The following DAAM1 variants were observed in gnomAD, a reference collection of about 807,000 sequenced individuals.
DAAM1 encodes the protein dishevelled associated activator of morphogenesis 1, also known as disheveled-associated activator of morphogenesis 1.
DAAM1 carries 52 observed loss-of-function variants against 130.0 expected under a neutral mutation model. The ratio of observed to expected loss-of-function variants is 0.40; its 90% CI spans 0.32 to 0.50. The LOEUF (loss-of-function observed/expected upper bound fraction) is 0.50, where lower values mean the gene tolerates loss of function less well. DAAM1 is among the 20% of genes least tolerant of loss of function. The probability of loss-of-function intolerance (pLI) is 0.61; values close to 1 mark genes in which losing one functional copy is unlikely to be tolerated. For missense variants in DAAM1, 1,134 were observed against 1,303.8 expected (o/e 0.87, Z 2.01); for synonymous variants, 452 against 444.5 (o/e 1.02, Z -0.21).
At chr14:59,339,015 A>G (rs1184576835) in intron 15 of DAAM1, among the ~76,000 whole-genome samples, 2 of 152,154 alleles carry the variant, frequency 1.3e-5, no homozygotes, top group African/African-American at 4.8e-5. Flanking sequence ...CTGATCCAAG[A>G]TTTTGTAGTT....
At position 59,336,026 on chromosome 14, in the gene DAAM1, T is replaced by G. The variant is rs114468623; in HGVS notation, c.1969-4048T>G. Among the ~76,000 whole-genome samples the G allele has an allele frequency of 6.5e-3, 981 of 151,956 alleles. 15 individuals are homozygous for G. The highest frequency in any genetic ancestry group is 0.023 in the African/African-American group (949 of 41,488). On this transcript the variant is annotated intron_variant, in intron 15 of 24. Coordinates refer to ENST00000360909, the MANE Select transcript of DAAM1 (RefSeq NM_001270520.2). Reference sequence around the variant, plus strand: ...GAGAAATATAAATAGTGGTGTTGTTTTTTTTTTTTCTTAAGACCAAATGTA... The same window carrying G: ...GAGAAATATAAATAGTGGTGTTGTTGTTTTTTTTTCTTAAGACCAAATGTA...
chr14:59,341,469 T>C (rs1483420873), intron 16 of DAAM1, among the ~76,000 whole-genome samples: 1 of 152,214 alleles, frequency 6.6e-6, no homozygotes, highest in African/African-American at 2.4e-5. Context: ...ACAAGATATT[T>C]GGAGGTAAAC....
At chr14:59,358,859 A>G (rs1273930244) in intron 20 of DAAM1, among the ~76,000 whole-genome samples, 3 of 151,430 alleles carry the variant, frequency 2.0e-5, no homozygotes, top group East Asian at 1.9e-4. Context: ...AAAAGTATCA[A>G]TAATTGTCAT....
chr14:59,242,595 A>G (rs144053467), intron 1 of DAAM1, among the ~76,000 whole-genome samples: 10,500 of 152,158 alleles, frequency 0.069, 444 homozygotes, highest in Non-Finnish European at 0.1. Context: ...GTCTCGCTCT[A>G]TCCCCCAGGC....
At chr14:59,339,864 G>T (rs1885776304) in intron 15 of DAAM1, among the ~76,000 whole-genome samples, 1 of 152,126 alleles carries the variant, frequency 6.6e-6, no homozygotes, top group African/African-American at 2.4e-5. Flanking sequence ...AAATGTGGGT[G>T]GTCAGCTTTT....
At chr14:59,251,636 G>T (rs988858495) in intron 1 of DAAM1, among the ~76,000 whole-genome samples, 4 of 152,110 alleles carry the variant, frequency 2.6e-5, no homozygotes, top group Non-Finnish European at 4.4e-5. Context: ...GAGAAGATGT[G>T]TAGCAATACC....
chr14:59,239,243 T>C (rs1179883233), intron 1 of DAAM1, among the ~76,000 whole-genome samples: 1 of 152,184 alleles, frequency 6.6e-6, no homozygotes, highest in Non-Finnish European at 1.5e-5. Context: ...TAACACTTAC[T>C]TTTTTTGTGG....
chr14:59,270,461 G>T (rs1424140667), intron 2 of DAAM1, among the ~76,000 whole-genome samples: 1 of 152,136 alleles, frequency 6.6e-6, no homozygotes, highest in Non-Finnish European at 1.5e-5. Flanking sequence ...CCCGGAGGGA[G>T]GAAATTAATC....
chr14:59,319,391 G>A (rs1007319481), intron 4 of DAAM1, among the ~76,000 whole-genome samples: 7 of 152,276 alleles, frequency 4.6e-5, no homozygotes, highest in African/African-American at 1.4e-4. Context: ...ACTTAATGCT[G>A]ATACTATTGA....
intron 15 of DAAM1, among the ~76,000 whole-genome samples, chr14:59,338,132 C>T (rs560642094): frequency 1.3e-5 from 2 of 152,138 alleles, no homozygotes; most frequent in South Asian, 4.2e-4. Flanking sequence ...TTTGATTTTC[C>T]ACCATTGAAA....
chr14:59,369,283 A>G lies in DAAM1; in HGVS notation c.*424A>G, dbSNP rs1887050769. Reference sequence around the variant, plus strand: ...GCTTGCAAAATATTTTATGGTTTCCAAGCTTGATATCCTTTAAAATTATTT... The same window carrying G: ...GCTTGCAAAATATTTTATGGTTTCCGAGCTTGATATCCTTTAAAATTATTT... On this transcript the variant is annotated 3_prime_UTR_variant, in exon 25 of 25. Coordinates refer to ENST00000360909, the MANE Select transcript of DAAM1 (RefSeq NM_001270520.2). The G allele has an allele frequency of 6.5e-6, 1 of 153,918 alleles. No individual in the cohort carries two copies. Among genetic ancestry groups the G allele is most frequent in the Non-Finnish European group, 1.4e-5 (1 of 69,014 alleles). The allele number at this position is 153,918 out of a possible 1,614,324, so 9.5% of individuals were successfully genotyped here. A position where few individuals can be genotyped will look rare whatever the true frequency, so the allele number is the denominator to read the frequency against.
intron 1 of DAAM1, among the ~76,000 whole-genome samples, chr14:59,228,202 T>G (rs1346875282): frequency 6.6e-6 from 1 of 152,204 alleles, no homozygotes; most frequent in Admixed American, 6.5e-5. Flanking sequence ...AATCACAGTG[T>G]CAACATTCTG....
intron 15 of DAAM1, among the ~76,000 whole-genome samples, chr14:59,337,647 T>G (rs1219629029): frequency 6.6e-6 from 1 of 152,204 alleles, no homozygotes. Flanking sequence ...TCCAAGTCTT[T>G]TCTAAAAACT....
chr14:59,290,255 C>T (rs1883683438), intron 2 of DAAM1, among the ~76,000 whole-genome samples: 1 of 152,178 alleles, frequency 6.6e-6, no homozygotes, highest in South Asian at 2.1e-4. Flanking sequence ...TTATAAATTA[C>T]CTTCCTTTAG....
chr14:59,249,693 C>G (rs1245117977), intron 1 of DAAM1, among the ~76,000 whole-genome samples: 3 of 152,158 alleles, frequency 2.0e-5, no homozygotes, highest in African/African-American at 7.2e-5. Flanking sequence ...TCATTTTATT[C>G]CATAAACAGT....
In DAAM1 at chr14:59,274,678, A is replaced by G. The variant is rs553930910; in HGVS notation, c.183+11018A>G. Reference sequence around the variant, plus strand: ...AGTATTTGAGTGAATGTATGCATGCATGCATGAATTAATAACTGTGGAATC... The same window carrying G: ...AGTATTTGAGTGAATGTATGCATGCGTGCATGAATTAATAACTGTGGAATC... On this transcript the variant is annotated intron_variant, in intron 2 of 24. Coordinates refer to ENST00000360909, the MANE Select transcript of DAAM1 (RefSeq NM_001270520.2). 3.9e-5 allele frequency among the ~76,000 whole-genome samples: 6 copies of G among 152,316 alleles called. No homozygotes were observed. The South Asian group carries it at 1.2e-3, about 32-fold the overall frequency.
At chr14:59,213,699 ATG>A (rs754309136) in intron 1 of DAAM1, among the ~76,000 whole-genome samples, 53 of 152,206 alleles carry the variant, frequency 3.5e-4, no homozygotes, top group Admixed American at 7.9e-4. Flanking sequence ...TGTCTTGCCT[ATG>A]TGTGGCCTTC....
At chr14:59,238,200 G>A (rs1415730688) in intron 1 of DAAM1, among the ~76,000 whole-genome samples, 1 of 152,164 alleles carries the variant, frequency 6.6e-6, no homozygotes, top group East Asian at 1.9e-4. Context: ...ATGTTTCTCA[G>A]TAGAGATAGG....
In DAAM1 at chr14:59,263,482, C is replaced by G; in HGVS notation, c.5C>G (p.Ala2Gly). M[A>G]PRKRGGRGIS... ...GAAATAGAACAGAATTCAGCCATGG[C>G]CCCAAGAAAGAGAGGTGGACGAGGT... Residue 2 changes from alanine to glycine, a missense_variant, in exon 2 of 25, where the codon GCC (alanine) becomes GGC (glycine). Ala to Gly is a moderately conservative substitution (Grantham distance 60). Transcript: ENST00000360909. 6.2e-7 allele frequency: 1 copy of G among 1,614,188 alleles called. No individual in the cohort carries two copies. Among genetic ancestry groups the G allele is most frequent in the Non-Finnish European group, 8.5e-7 (1 of 1,180,020 alleles).
Sources: allele counts gnomAD v4.1 joint callset (sites outside exome capture counted in the v4.1 genomes callset), GRCh38; gene constraint gnomAD v4.1.1; transcripts MANE v1.5; gene names NCBI Gene and HGNC (gene_info 2026-07-23, HGNC 2026-07-21).